NHLRC2: variants seen among roughly 807,000 people sequenced by gnomAD.
NHLRC2 encodes the protein NHL repeat containing 2, also known as NHL repeat-containing protein 2.
Under a neutral mutation model 68.1 loss-of-function variants are expected in NHLRC2, and 33 were observed. That is an observed-to-expected ratio of 0.48 (90% CI 0.37 to 0.65). The LOEUF is 0.65. Ranked by LOEUF, NHLRC2 falls within the 30% of genes least tolerant of loss-of-function variation. The pLI is 0.00. For synonymous variants in NHLRC2, 311 were observed against 309.6 expected (o/e 1.00, Z -0.05); for missense variants, 761 against 853.8 (o/e 0.89, Z 1.35).
Position 113,869,242 on chromosome 10 carries a change from C to A in NHLRC2, c.332-7279C>A, listed in dbSNP as rs527761601. The stretch of plus-strand genomic sequence containing the variant: ...ATTAAGTATGGATGATGAGAGTGGG[C>A]TGATTGATTACTACAGAGATGTCCT... On this transcript the variant is annotated intron_variant, in intron 2 of 10. Transcript: ENST00000369301. 4.6e-5 allele frequency among the ~76,000 whole-genome samples: 7 copies of A among 152,204 alleles called. No homozygotes were observed. The South Asian group carries it at 8.3e-4, about 18-fold the overall frequency.
rs529342071 is a variant in NHLRC2, at chr10:113,916,509, T to G, written c.*7973T>G. 14 of 152,320 alleles carry G rather than the reference T, an allele frequency of 9.2e-5. No homozygotes were observed. In the East Asian group the frequency reaches 2.7e-3, roughly 29 times the overall value. 9.4% of individuals were successfully genotyped at this position (152,320 alleles called of 1,614,324 possible). A position where few individuals can be genotyped will look rare whatever the true frequency, so the allele number is the denominator to read the frequency against. On this transcript the variant is annotated 3_prime_UTR_variant, in exon 11 of 11. Transcript: ENST00000369301. ...AATTTTCTCTACTTTGAGGTATACCTTCCTAATTATATTTTACATAGGCTG... is the reference window on the plus strand; with the variant it reads ...AATTTTCTCTACTTTGAGGTATACCGTCCTAATTATATTTTACATAGGCTG...
At position 113,876,664 on chromosome 10, in the gene NHLRC2, G is replaced by T; in HGVS notation, c.475G>T (p.Val159Phe). Reference sequence around the variant, plus strand: ...TGCCAGCCTTTGGCAAGAACTAGAAGTTTCCTGCTGGCCAACTCTAGTCAT... The same window carrying T: ...TGCCAGCCTTTGGCAAGAACTAGAATTTTCCTGCTGGCCAACTCTAGTCAT... ...ADASLWQELE[V>F]SCWPTLVILG... The change falls in exon 3 of 11, where the codon GTT (valine) becomes TTT (phenylalanine). Residue 159 changes from valine (V) to phenylalanine (F), a missense_variant. Coordinates refer to ENST00000369301, the MANE Select transcript of NHLRC2 (RefSeq NM_198514.4). The T allele has an allele frequency of 6.2e-7, 1 of 1,613,936 alleles. No homozygotes were observed. The highest frequency in any genetic ancestry group is 1.1e-5 in the South Asian group (1 of 91,070).
intron 1 of NHLRC2, among the ~76,000 whole-genome samples, chr10:113,857,987 A>G (rs1246839406): frequency 6.7e-6 from 1 of 149,462 alleles, no homozygotes; most frequent in East Asian, 1.9e-4. Context: ...TATTCTCAGT[A>G]GCCCATTTGT....
chr10:113,883,766 T>C (rs1846056843), intron 4 of NHLRC2, among the ~76,000 whole-genome samples: 1 of 151,954 alleles, frequency 6.6e-6, no homozygotes, highest in Admixed American at 6.6e-5. Flanking sequence ...GTTTTAGTTT[T>C]CTCTAAAATA....
chr10:113,861,440 G>A (rs955359278), intron 2 of NHLRC2, among the ~76,000 whole-genome samples: 8 of 152,104 alleles, frequency 5.3e-5, no homozygotes, highest in Non-Finnish European at 1.2e-4. Flanking sequence ...CACATACAAG[G>A]AATCTTCAAT....
intron 4 of NHLRC2, 104 bp from the exon 5 acceptor site, chr10:113,884,147 C>T: frequency 1.0e-6 from 1 of 1,002,528 alleles, no homozygotes; most frequent in Non-Finnish European, 1.5e-6. Context: ...TTGTACTGCA[C>T]ATACACTCTA....
At position 113,884,274 on chromosome 10, in the gene NHLRC2, G is replaced by T; in HGVS notation, c.933G>T (p.Val311=). The change falls in exon 5 of 11, where the codon GTG becomes GTT. Residue 311 remains valine, a synonymous_variant. Coordinates refer to ENST00000369301, the MANE Select transcript of NHLRC2 (RefSeq NM_198514.4). The stretch of plus-strand genomic sequence containing the variant: ...AGATTGACCTAGAAGCTGAGAAGGT[G>T]AGCACTGTAGCTGGTATTGGAATTC... The part of the protein sequence containing the change: ...IRKIDLEAEK[V]STVAGIGIQG... 1 of 1,610,198 alleles carries T rather than the reference G, an allele frequency of 6.2e-7. No homozygotes were observed. The highest frequency in any genetic ancestry group is 1.1e-5 in the South Asian group (1 of 90,894).
In NHLRC2 at chr10:113,907,157, C is replaced by G. The variant is rs77697412; in HGVS notation, c.1925-1123C>G. Among the ~76,000 whole-genome samples, 870 of 152,294 alleles carry G rather than the reference C, an allele frequency of 5.7e-3. 9 individuals are homozygous for G. The highest frequency in any genetic ancestry group is 0.019 in the African/African-American group (790 of 41,568). ...TTCAGCATAGAAGTTTTGTACTTAT[C>G]TCTCTAGATTCTTATCTTTCACCTT... On this transcript the variant is annotated intron_variant, in intron 10 of 10. Coordinates refer to ENST00000369301, the MANE Select transcript of NHLRC2 (RefSeq NM_198514.4).
chr10:113,857,741 C>T (rs948444203), intron 1 of NHLRC2, among the ~76,000 whole-genome samples: 3 of 152,024 alleles, frequency 2.0e-5, no homozygotes, highest in African/African-American at 7.2e-5. Context: ...AAAGGGAACA[C>T]GTTCTTCATT....
intron 1 of NHLRC2, among the ~76,000 whole-genome samples, chr10:113,858,239 G>T (rs1845780058): frequency 6.7e-6 from 1 of 149,958 alleles, no homozygotes. Flanking sequence ...TCCCTTTTTG[G>T]GCTTTTAATC....
chr10:113,904,061 C>T (rs1271670504), intron 9 of NHLRC2, among the ~76,000 whole-genome samples: 1 of 149,420 alleles, frequency 6.7e-6, no homozygotes, highest in Admixed American at 6.7e-5. Context: ...CTACATACAC[C>T]TGCTCTGTGG....
In NHLRC2 at chr10:113,879,554, C is replaced by A; in HGVS notation, c.788-20C>A. On this transcript the variant is annotated intron_variant, in intron 3 of 10. Coordinates refer to ENST00000369301, the MANE Select transcript of NHLRC2 (RefSeq NM_198514.4). ...TACCTTGAGATCACTTCTTAAGTGG[C>A]AAATTTTATCTTATTTTAGGACCCA... 1.9e-6 allele frequency: 3 copies of A among 1,586,302 alleles called. No individual in the cohort carries two copies. Among genetic ancestry groups the A allele is most frequent in the Non-Finnish European group, 2.6e-6 (3 of 1,167,828 alleles).
chr10:113,895,462 A>T (rs1447109779), intron 5 of NHLRC2, among the ~76,000 whole-genome samples: 1 of 152,232 alleles, frequency 6.6e-6, no homozygotes, highest in East Asian at 1.9e-4. Context: ...GGAGCTAAGA[A>T]TGATGGGTGT....
chr10:113,864,897 A>G (rs1845850329), intron 2 of NHLRC2, among the ~76,000 whole-genome samples: 1 of 151,730 alleles, frequency 6.6e-6, no homozygotes, highest in Admixed American at 6.6e-5. Flanking sequence ...GAAATCAGCC[A>G]TAGTGGGAGT....
In NHLRC2 at chr10:113,858,681, G is replaced by A. The variant is rs142507741; in HGVS notation, c.331+1G>A. ...TTAGAACACACATACTCTGATAAAG[G>A]TATCTGCTCTTTAATTAGTTTCTAA... On this transcript the variant is annotated splice_donor_variant, in intron 2 of 10. Coordinates refer to ENST00000369301, the MANE Select transcript of NHLRC2 (RefSeq NM_198514.4). LOFTEE classifies it high-confidence loss of function. 1 of 1,606,590 alleles carries A rather than the reference G, an allele frequency of 6.2e-7. No individual in the cohort carries two copies. The highest frequency in any genetic ancestry group is 2.2e-5 in the East Asian group (1 of 44,760).
Position 113,915,270 on chromosome 10 carries a change from A to C in NHLRC2, c.*6734A>C. 2.2e-6 allele frequency: 1 copy of C among 456,106 alleles called. No homozygotes were observed. The highest frequency in any genetic ancestry group is 4.4e-6 in the Non-Finnish European group (1 of 226,856). The allele number at this position is 456,106 out of a possible 1,614,324, so 28.3% of individuals were successfully genotyped here. On this transcript the variant is annotated 3_prime_UTR_variant, in exon 11 of 11. Transcript: ENST00000369301. ...TGCAAACATACTTCCCTACCTGTAC[A>C]AGCAGCCATATACTAAAAAGCACTA...
chr10:113,856,402 T>G (rs145910554), intron 1 of NHLRC2, among the ~76,000 whole-genome samples: 49 of 152,356 alleles, frequency 3.2e-4, no homozygotes, highest in African/African-American at 1.1e-3. Flanking sequence ...GAAGTGCTTA[T>G]TTTTCCTGCT....
At chr10:113,890,027 G>A (rs960406240) in intron 5 of NHLRC2, among the ~76,000 whole-genome samples, 2 of 152,208 alleles carry the variant, frequency 1.3e-5, no homozygotes, top group Admixed American at 6.5e-5. Context: ...GTGGTAATAT[G>A]CATTCACTTC....
In NHLRC2 at chr10:113,914,988, T is replaced by TG; in HGVS notation, c.*6455dup. ...AGAAGGCTGCCCCAATCACAGAGCC[T>TG]GGGTAAGGTGGAACAGGAGGCAGCC... On this transcript the variant is annotated 3_prime_UTR_variant, in exon 11 of 11. Coordinates refer to ENST00000369301, the MANE Select transcript of NHLRC2 (RefSeq NM_198514.4). 2 of 456,258 alleles carry TG rather than the reference T, an allele frequency of 4.4e-6. No homozygotes were observed. Among genetic ancestry groups the TG allele is most frequent in the South Asian group, 3.1e-5 (2 of 64,560 alleles). The allele number at this position is 456,258 out of a possible 1,614,324, so 28.3% of individuals were successfully genotyped here. A position where few individuals can be genotyped will look rare whatever the true frequency, so the allele number is the denominator to read the frequency against.
Sources: allele counts gnomAD v4.1 joint callset (sites outside exome capture counted in the v4.1 genomes callset), GRCh38; gene constraint gnomAD v4.1.1; transcripts MANE v1.5; gene names NCBI Gene and HGNC (gene_info 2026-07-23, HGNC 2026-07-21).